The following PXDNL variants were observed in gnomAD, a reference collection of about 807,000 sequenced individuals.
The protein encoded by PXDNL is probable oxidoreductase PXDNL.
A neutral mutation model predicts 150.8 loss-of-function variants in PXDNL; 145 were observed. That is an observed-to-expected ratio of 0.96 (90% CI 0.84 to 1.10). PXDNL has a LOEUF of 1.10. PXDNL is among the 50% of genes least tolerant of loss of function. The probability of loss-of-function intolerance (pLI) is 0.00; values close to 1 mark genes in which losing one functional copy is unlikely to be tolerated. For synonymous variants in PXDNL, 757 were observed against 725.7 expected (o/e 1.04, Z -0.69); for missense variants, 2,087 against 1,873.9 (o/e 1.11, Z -2.10).
intron 3 of PXDNL, among the ~76,000 whole-genome samples, chr8:51,574,396 A>G (rs1356460312): frequency 6.6e-6 from 1 of 152,010 alleles, no homozygotes; most frequent in East Asian, 1.9e-4. Flanking sequence ...AGACATTAAA[A>G]TATACACCGA....
At chr8:51,506,511 A>G (rs1252988944) in intron 4 of PXDNL, among the ~76,000 whole-genome samples, 2 of 128,786 alleles carry the variant, frequency 1.6e-5, no homozygotes, top group Non-Finnish European at 3.1e-5. Context: ...ACTGCACTCC[A>G]GCCTGGGTGA....
intron 4 of PXDNL, among the ~76,000 whole-genome samples, chr8:51,527,928 C>T (rs1811802744): frequency 6.6e-6 from 1 of 152,104 alleles, no homozygotes; most frequent in African/African-American, 2.4e-5. Context: ...AGTCCTGGCT[C>T]CAACACTTAC....
chr8:51,511,838 G>C (rs565968603), intron 4 of PXDNL, among the ~76,000 whole-genome samples: 74 of 152,228 alleles, frequency 4.9e-4, no homozygotes, highest in African/African-American at 1.6e-3. Context: ...AGAAATGTGA[G>C]AAAAACACAA....
intron 1 of PXDNL, among the ~76,000 whole-genome samples, chr8:51,710,805 A>G (rs542830884): frequency 7.2e-5 from 11 of 152,350 alleles, no homozygotes; most frequent in African/African-American, 2.2e-4. Context: ...CAGAAAAAGC[A>G]TTTGACAAAT....
intron 4 of PXDNL, among the ~76,000 whole-genome samples, chr8:51,515,395 C>T (rs1368664752): frequency 6.6e-6 from 1 of 152,118 alleles, no homozygotes; most frequent in Non-Finnish European, 1.5e-5. Context: ...GAACACATAC[C>T]TGATAGTTCT....
intron 3 of PXDNL, among the ~76,000 whole-genome samples, chr8:51,559,337 C>G (rs962595589): frequency 4.9e-5 from 7 of 141,572 alleles, no homozygotes; most frequent in Non-Finnish European, 1.1e-4. Flanking sequence ...CAAACCCCCC[C>G]CCCCCCCGCC....
At chr8:51,800,843 A>C (rs111640751) in intron 1 of PXDNL, among the ~76,000 whole-genome samples, 3 of 152,312 alleles carry the variant, frequency 2.0e-5, no homozygotes, top group African/African-American at 7.2e-5. Flanking sequence ...ACATCACCTC[A>C]GGACCACTAT....
intron 4 of PXDNL, among the ~76,000 whole-genome samples, chr8:51,550,366 A>T (rs10105553): frequency 0.2 from 30,757 of 151,988 alleles, 3,324 homozygotes; most frequent in Admixed American, 0.3. Flanking sequence ...CAAAACGAGG[A>T]GATGATGTAA....
intron 2 of PXDNL, among the ~76,000 whole-genome samples, chr8:51,610,367 T>C (rs1813973558): frequency 2.0e-5 from 3 of 152,220 alleles, no homozygotes; most frequent in Admixed American, 1.3e-4. Context: ...TTATTTATAA[T>C]AGTATATAAA....
intron 2 of PXDNL, among the ~76,000 whole-genome samples, chr8:51,644,392 G>A (rs949048933): frequency 3.4e-3 from 183 of 53,834 alleles, no homozygotes; most frequent in African/African-American, 0.011. Flanking sequence ...ACACATATGT[G>A]TATATATATA....
At chr8:51,695,525 T>C (rs1408321277) in intron 1 of PXDNL, among the ~76,000 whole-genome samples, 1 of 152,102 alleles carries the variant, frequency 6.6e-6, no homozygotes, top group Non-Finnish European at 1.5e-5. Flanking sequence ...GGTGTCATTA[T>C]GTTTTGGTCT....
chr8:51,655,814 T>C (rs1235091048), intron 1 of PXDNL, among the ~76,000 whole-genome samples: 1 of 152,108 alleles, frequency 6.6e-6, no homozygotes, highest in East Asian at 1.9e-4. Flanking sequence ...CACTACCTCA[T>C]CTTGTCCACT....
intron 1 of PXDNL, among the ~76,000 whole-genome samples, chr8:51,700,758 G>GCA (rs1256046886): frequency 6.7e-6 from 1 of 148,780 alleles, no homozygotes; most frequent in African/African-American, 2.5e-5. Flanking sequence ...ATACTCATAC[G>GCA]CACACACATA....
rs191985734 is a variant in PXDNL, at chr8:51,801,029, C to A, written c.164+8152G>T. On this transcript the variant is annotated intron_variant, in intron 1 of 22. Coordinates refer to ENST00000356297, the MANE Select transcript of PXDNL (RefSeq NM_144651.5). Reference sequence around the variant, plus strand: ...GCCTGCGGGGTTGGGCAGAATAGAACCATATTTTTCTTTTTGCAGAGAGCC... The same window carrying A: ...GCCTGCGGGGTTGGGCAGAATAGAAACATATTTTTCTTTTTGCAGAGAGCC... 1.9e-3 allele frequency among the ~76,000 whole-genome samples: 290 copies of A among 152,280 alleles called. 2 individuals are homozygous for A. The highest frequency in any genetic ancestry group is 3.2e-3 in the Non-Finnish European group (221 of 68,016).
chr8:51,416,084 C>T (rs1808792037), intron 14 of PXDNL, among the ~76,000 whole-genome samples: 1 of 152,162 alleles, frequency 6.6e-6, no homozygotes, highest in South Asian at 2.1e-4. Context: ...TTTTCTTTGT[C>T]CCTTTTACTC....
At chr8:51,429,687 CT>C (rs5891411) in intron 12 of PXDNL, among the ~76,000 whole-genome samples, 34,208 of 125,218 alleles carry the variant, frequency 0.27, 4,292 homozygotes, top group African/African-American at 0.43. Flanking sequence ...TTTTTCCTTT[CT>C]TTTTTTTTTT....
chr8:51,384,908 G>A (rs1807654219), intron 17 of PXDNL, among the ~76,000 whole-genome samples: 1 of 151,764 alleles, frequency 6.6e-6, no homozygotes, highest in African/African-American at 2.4e-5. Flanking sequence ...TTGATTAGAG[G>A]AAAAAGGAAA....
At chr8:51,748,837 C>T (rs979275145) in intron 1 of PXDNL, among the ~76,000 whole-genome samples, 27 of 152,088 alleles carry the variant, frequency 1.8e-4, no homozygotes, top group Non-Finnish European at 1.3e-4. Context: ...CTCAACAGTC[C>T]GAAACAACCT....
intron 4 of PXDNL, among the ~76,000 whole-genome samples, chr8:51,508,828 A>G (rs2130332342): frequency 6.6e-6 from 1 of 152,314 alleles, no homozygotes; most frequent in South Asian, 2.1e-4. Context: ...ATTAGTCTTC[A>G]TGCCCACTTC....
Sources: gnomAD v4.1 joint callset for allele counts (sites outside exome capture counted in the v4.1 genomes callset) on GRCh38, gnomAD v4.1.1 for gene constraint, MANE v1.5 for transcripts, NCBI Gene and HGNC (gene_info 2026-07-23, HGNC 2026-07-21) for gene names.